RPH3AL: variants seen among roughly 807,000 people sequenced by gnomAD.
The protein encoded by RPH3AL is rab effector Noc2.
RPH3AL carries 38 observed loss-of-function variants against 43.1 expected under a neutral mutation model. The observed-to-expected ratio is 0.88, with a 90% CI of 0.68 to 1.15. The LOEUF is 1.15. Among genes scored for constraint, RPH3AL ranks in the 50% most tolerant of loss-of-function variants. RPH3AL has a pLI of 0.00. For missense variants in RPH3AL, 462 were observed against 423.2 expected (o/e 1.09, Z -0.81); for synonymous variants, 189 against 176.3 (o/e 1.07, Z -0.57).
chr17:286,487 G>A lies in RPH3AL; in HGVS notation c.352-4633C>T, dbSNP rs564866878. Among the ~76,000 whole-genome samples the A allele has an allele frequency of 1.9e-3, 295 of 152,248 alleles. 2 individuals carry two copies. The highest frequency in any genetic ancestry group is 6.6e-3 in the African/African-American group (274 of 41,540). On this transcript the variant is annotated intron_variant, in intron 5 of 9. Coordinates refer to ENST00000331302, the MANE Select transcript of RPH3AL (RefSeq NM_006987.4). ...GGCGAGGGCTACGGAAAGACGACAC[G>A]CTCCCACTCAAATAACACATAATTG...
intron 7 of RPH3AL, among the ~76,000 whole-genome samples, chr17:233,247 C>G (rs2041273356): frequency 6.6e-6 from 1 of 152,156 alleles, no homozygotes; most frequent in Admixed American, 6.5e-5. Context: ...GCTCTACCCC[C>G]CGCCTGAAAT....
At chr17:298,541 AC>A (rs1244530806) in intron 5 of RPH3AL, among the ~76,000 whole-genome samples, 7 of 128,644 alleles carry the variant, frequency 5.4e-5, no homozygotes, top group African/African-American at 2.1e-4. Context: ...TACTAAAAAT[AC>A]AAAAAAAAAA....
chr17:241,826 CAAAG>C (rs147319402), intron 7 of RPH3AL, among the ~76,000 whole-genome samples: 7,467 of 144,578 alleles, frequency 0.052, 234 homozygotes, highest in Admixed American at 0.089. Flanking sequence ...TAAAAATTAA[CAAAG>C]AAAGGACTGG....
chr17:253,040 G>A (rs1555543195), intron 6 of RPH3AL, among the ~76,000 whole-genome samples: 3 of 152,126 alleles, frequency 2.0e-5, no homozygotes, highest in African/African-American at 7.2e-5. Context: ...TTTTGGGGTG[G>A]GGACCTCGGC....
rs143446798 is a variant in RPH3AL, at chr17:281,838, C to T, written c.368G>A (p.Cys123Tyr). The change falls in exon 6 of 10, where the codon TGT becomes TAT. Residue 123 changes from cysteine (C) to tyrosine (Y), a missense_variant. Physicochemically the swap from Cys to Tyr is radical, Grantham distance 194 (BLOSUM62 -2). Transcript: ENST00000331302. ...CTGGCCAGGGGAGGCCTCGATCCCA[C>T]ATTTGGTGCAGACTTTCTACAAGAG... ...KDCRKKVCTK[C>Y]GIEASPGQKR... The T allele has an allele frequency of 1.2e-6, 2 of 1,613,978 alleles. No individual in the cohort carries two copies. The highest frequency in any genetic ancestry group is 1.3e-5 in the African/African-American group (1 of 74,898).
intron 5 of RPH3AL, among the ~76,000 whole-genome samples, chr17:298,441 A>G (rs952028607): frequency 3.3e-5 from 5 of 152,148 alleles, no homozygotes; most frequent in Non-Finnish European, 5.9e-5. Flanking sequence ...TCACCCCTGT[A>G]ATCCTGGCAT....
intron 7 of RPH3AL, among the ~76,000 whole-genome samples, chr17:238,188 A>AAGAGG (rs2041446926): frequency 2.0e-5 from 3 of 150,552 alleles, no homozygotes. Flanking sequence ...AGAGAGAAAG[A>AAGAGG]AAGGAAGGAA....
chr17:343,993 T>C (rs1305838940), intron 1 of RPH3AL, among the ~76,000 whole-genome samples: 1 of 39,706 alleles, frequency 2.5e-5, no homozygotes, highest in African/African-American at 4.9e-5. Flanking sequence ...TCACCATCAC[T>C]GTCATCTCTG....
chr17:324,483 G>T (rs985609153), intron 3 of RPH3AL, among the ~76,000 whole-genome samples: 1 of 152,152 alleles, frequency 6.6e-6, no homozygotes, highest in African/African-American at 2.4e-5. Context: ...GAACCTGCAC[G>T]TCTGGGAGCC....
Position 323,471 on chromosome 17 carries a change from C to T in RPH3AL, c.78-2056G>A, listed in dbSNP as rs1428255402. On this transcript the variant is annotated intron_variant, in intron 3 of 9. Coordinates refer to ENST00000331302, the MANE Select transcript of RPH3AL (RefSeq NM_006987.4). The surrounding 1 kb of genome is among the most constrained non-coding windows in gnomAD (Gnocchi z 4.4). ...CCAAAAAGCAATATCCCCTCCACAACCCCTACCTACTGGTTTGTTCCATCT... is the reference window on the plus strand; with the variant it reads ...CCAAAAAGCAATATCCCCTCCACAATCCCTACCTACTGGTTTGTTCCATCT... Among the ~76,000 whole-genome samples the T allele has an allele frequency of 2.0e-5, 3 of 152,294 alleles. No individual in the cohort carries two copies. The highest frequency in any genetic ancestry group is 1.9e-4 in the East Asian group (1 of 5,182).
chr17:314,228 T>C (rs890381023), intron 5 of RPH3AL, among the ~76,000 whole-genome samples: 1 of 152,156 alleles, frequency 6.6e-6, no homozygotes, highest in Non-Finnish European at 1.5e-5. Flanking sequence ...TGGTCCCCTA[T>C]AGCTGGAATA....
intron 7 of RPH3AL, among the ~76,000 whole-genome samples, chr17:236,356 C>T (rs2041394477): frequency 6.6e-6 from 1 of 152,224 alleles, no homozygotes; most frequent in Admixed American, 6.5e-5. Context: ...ATCAAGGAAA[C>T]CTAAATGTCC....
rs2151498984 is a variant in RPH3AL, at chr17:219,735, C to T, written c.615G>A (p.Val205=). The T allele has an allele frequency of 6.2e-7, 1 of 1,610,752 alleles. No individual in the cohort carries two copies. Among genetic ancestry groups the T allele is most frequent in the East Asian group, 2.2e-5 (1 of 44,832 alleles). Reference sequence around the variant, plus strand: ...AGTCACTGTCACTGTCACTGGAAACCACTGGAAGAGACAGACCACAGCACA... The same window carrying T: ...AGTCACTGTCACTGTCACTGGAAACTACTGGAAGAGACAGACCACAGCACA... The part of the protein sequence containing the change: ...SRIYTWARGR[V]VSSDSDSDSD... The change falls in exon 8 of 10, where the codon GTG becomes GTA. Residue 205 remains valine, a splice_region_variant and synonymous_variant. Coordinates refer to ENST00000331302, the MANE Select transcript of RPH3AL (RefSeq NM_006987.4).
chr17:331,312 C>CCAAATGCTGCAGAGAGG, intron 2 of RPH3AL: 1 of 39,008 alleles, frequency 2.6e-5, no homozygotes, highest in Non-Finnish European at 5.5e-5. Context: ...CTGCAGAGAT[C>CCAAATGCTGCAGAGAGG]AAGGGAGACG....
In RPH3AL at chr17:333,050, T is replaced by C. The variant is rs1238981934; in HGVS notation, c.-37+709A>G. On this transcript the variant is annotated intron_variant, in intron 2 of 9. Coordinates refer to ENST00000331302, the MANE Select transcript of RPH3AL (RefSeq NM_006987.4). This position sits in a 1 kb window ranked among gnomAD's most constrained non-coding sequence, Gnocchi z 4.5. ...ACAGATCGGTAAAAACAACCCCTTCTTCCAGGAGGATGCAATTCTCTCTCT... is the reference window on the plus strand; with the variant it reads ...ACAGATCGGTAAAAACAACCCCTTCCTCCAGGAGGATGCAATTCTCTCTCT... The C allele has an allele frequency of 7.8e-6, 10 of 1,288,902 alleles. No homozygotes were observed. The highest frequency in any genetic ancestry group is 1.5e-5 in the African/African-American group (1 of 65,782). 79.8% of individuals were successfully genotyped at this position (1,288,902 alleles called of 1,614,324 possible). A position where few individuals can be genotyped will look rare whatever the true frequency, so the allele number is the denominator to read the frequency against.
intron 8 of RPH3AL, among the ~76,000 whole-genome samples, chr17:218,161 A>G (rs1456099732): frequency 1.0e-4 from 15 of 143,468 alleles, no homozygotes; most frequent in Admixed American, 2.1e-4. Context: ...TTTCATTCCC[A>G]TCTGGGGCAG....
intron 8 of RPH3AL, 44 bp downstream of exon 8, chr17:219,579 G>C: frequency 1.1e-6 from 1 of 932,636 alleles, no homozygotes. Flanking sequence ...AGGCTGGAGT[G>C]CACCGTGCCC....
At position 215,568 on chromosome 17, in the gene RPH3AL, A is replaced by G; in HGVS notation, c.876+86T>C. 1 of 1,164,096 alleles carries G rather than the reference A, an allele frequency of 8.6e-7. No homozygotes were observed. Among genetic ancestry groups the G allele is most frequent in the South Asian group, 4.2e-5 (1 of 23,556 alleles). 72.1% of individuals were successfully genotyped at this position (1,164,096 alleles called of 1,614,324 possible). On this transcript the variant is annotated intron_variant, in intron 9 of 9. Coordinates refer to ENST00000331302, the MANE Select transcript of RPH3AL (RefSeq NM_006987.4). This position sits in a 1 kb window ranked among gnomAD's most constrained non-coding sequence, Gnocchi z 4.1. ...ACATGCAGAATTGAAAACGTCACCGACCAGTCTCCAGTTTGGGAGGAGTGA... is the reference window on the plus strand; with the variant it reads ...ACATGCAGAATTGAAAACGTCACCGGCCAGTCTCCAGTTTGGGAGGAGTGA...
intron 7 of RPH3AL, among the ~76,000 whole-genome samples, chr17:244,822 C>T (rs147133765): frequency 4.0e-4 from 61 of 152,248 alleles, no homozygotes; most frequent in East Asian, 1.2e-3. Flanking sequence ...CCAGGGTGTG[C>T]GCATGTGCAT....
Sources: gnomAD v4.1 joint callset for allele counts (sites outside exome capture counted in the v4.1 genomes callset) on GRCh38, gnomAD v4.1.1 for gene constraint, Gnocchi (gnomAD v3.1) non-coding constraint, MANE v1.5 for transcripts, NCBI Gene and HGNC (gene_info 2026-07-23, HGNC 2026-07-21) for gene names.